The following PEX11A variants were observed in gnomAD, a reference collection of about 807,000 sequenced individuals.
PEX11A encodes peroxisomal membrane protein 11A.
A neutral mutation model predicts 14.4 loss-of-function variants in PEX11A; 13 were observed. The observed-to-expected ratio is 0.90, with a 90% CI of 0.59 to 1.43. The LOEUF is 1.43. PEX11A is among the 40% of genes most tolerant of loss of function. The pLI is 0.00. For synonymous variants in PEX11A, 101 were observed against 113.0 expected (o/e 0.89, Z 0.67); for missense variants, 290 against 302.8 (o/e 0.96, Z 0.31).
In PEX11A at chr15:89,683,961, C is replaced by G. The variant is rs1471574940; in HGVS notation, c.173-13G>C. Reference sequence around the variant, plus strand: ...CCTAGTCTGAACCCTGCAAGTAGAACCCACAATAGTGAACAGTTATTTCAT... The same window carrying G: ...CCTAGTCTGAACCCTGCAAGTAGAAGCCACAATAGTGAACAGTTATTTCAT... On this transcript the variant is annotated splice_polypyrimidine_tract_variant and intron_variant, in intron 2 of 2. Coordinates refer to ENST00000300056, the MANE Select transcript of PEX11A (RefSeq NM_003847.3). The G allele has an allele frequency of 1.9e-6, 3 of 1,555,284 alleles. No homozygotes were observed.
intron 1 of PEX11A, among the ~76,000 whole-genome samples, chr15:89,690,222 C>A (rs1166566666): frequency 6.6e-6 from 1 of 152,228 alleles, no homozygotes; most frequent in African/African-American, 2.4e-5. Context: ...GGAGATCCCT[C>A]GGAAGAATGT....
chr15:89,685,851 A>G (rs182031213), intron 2 of PEX11A, among the ~76,000 whole-genome samples: 69 of 152,308 alleles, frequency 4.5e-4, no homozygotes, highest in African/African-American at 1.4e-3. Flanking sequence ...TCTGGTTTTC[A>G]TCAAACAACA....
At position 89,683,810 on chromosome 15, in the gene PEX11A, C is replaced by T. The variant is rs1363268278; in HGVS notation, c.311G>A (p.Trp104Ter). 6.2e-7 allele frequency: 1 copy of T among 1,613,918 alleles called. No homozygotes were observed. The highest frequency in any genetic ancestry group is 8.5e-7 in the Non-Finnish European group (1 of 1,179,944). Reference protein sequence around the residue: ...VIYFICDTILWVRSVGLTSGI... With the variant: ...VIYFICDTIL ...AGAGGTGAGACCTACGCTCCTCACC[C>T]AGAGGATGGTGTCACAGATGAAATA... is the stretch of plus-strand genomic sequence containing the variant. The change falls in exon 3 of 3, where the codon TGG (tryptophan) becomes TAG (stop). Residue 104 changes from tryptophan (W) to a stop codon, truncating the protein, a stop_gained. Transcript: ENST00000300056. LOFTEE classifies it low-confidence loss of function (END_TRUNC).
At chr15:89,688,156 A>G in intron 1 of PEX11A, 2 of 539,506 alleles carry the variant, frequency 3.7e-6, no homozygotes, top group South Asian at 2.8e-5. Context: ...GGGCATACAG[A>G]GAATCCTTGC....
chr15:89,690,673 C>A lies in PEX11A; in HGVS notation c.-41G>T, dbSNP rs751159836. ...GGCCACGAGTCGCACGGGGCTCAGGCGTGGGTCCTCTGGGGCCCGTCGGAT... is the reference window on the plus strand; with the variant it reads ...GGCCACGAGTCGCACGGGGCTCAGGAGTGGGTCCTCTGGGGCCCGTCGGAT... On this transcript the variant is annotated 5_prime_UTR_variant, in exon 1 of 3. Transcript: ENST00000300056. 24 of 1,488,608 alleles carry A rather than the reference C, an allele frequency of 1.6e-5. No individual in the cohort carries two copies. The South Asian group carries it at 2.7e-4, about 16-fold the overall frequency. 92.2% of individuals were successfully genotyped at this position (1,488,608 alleles called of 1,614,324 possible).
intron 2 of PEX11A, 24 bp downstream of exon 2, chr15:89,686,407 T>G (rs201184923): frequency 1.0e-6 from 1 of 989,282 alleles, no homozygotes; most frequent in Admixed American, 1.8e-5. Context: ...GGAGTCACTG[T>G]CCCTCAAGAA....
At position 89,683,433 on chromosome 15, in the gene PEX11A, AG is replaced by A. The variant is rs745525411; in HGVS notation, c.687del (p.Ser230LeufsTer2). On this transcript the variant is annotated frameshift_variant, in exon 3 of 3. Transcript: ENST00000300056. LOFTEE classifies it high-confidence loss of function. ...PGIIGLGGLV[S>X]SIAGMITVAY... ...GCCACAGTGATCATGCCTGCTATAG[AG>A]GACACAAGACCTCCAAGTCCAATGA... 2 of 1,614,146 alleles carry A rather than the reference AG, an allele frequency of 1.2e-6. No individual in the cohort carries two copies. The highest frequency in any genetic ancestry group is 1.7e-6 in the Non-Finnish European group (2 of 1,179,990).
At chr15:89,685,640 C>T (rs993897526) in intron 2 of PEX11A, among the ~76,000 whole-genome samples, 83 of 152,134 alleles carry the variant, frequency 5.5e-4, no homozygotes, top group African/African-American at 1.9e-3. Flanking sequence ...TCAAGTTCCA[C>T]CTCCTCTAAA....
At chr15:89,687,159 G>A (rs1330276644) in intron 1 of PEX11A, among the ~76,000 whole-genome samples, 2 of 151,982 alleles carry the variant, frequency 1.3e-5, no homozygotes, top group Non-Finnish European at 2.9e-5. Context: ...TCCTGACCTC[G>A]TGATCTGCCC....
chr15:89,688,227 G>A, intron 1 of PEX11A: 2 of 533,300 alleles, frequency 3.8e-6, no homozygotes, highest in South Asian at 2.8e-5. Flanking sequence ...CAGTCTGACA[G>A]GTTTTAGGAA....
chr15:89,686,074 C>T (rs1964671371), intron 2 of PEX11A, among the ~76,000 whole-genome samples: 1 of 152,198 alleles, frequency 6.6e-6, no homozygotes, highest in Non-Finnish European at 1.5e-5. Flanking sequence ...TATAACTATT[C>T]CACTCTTGTT....
Position 89,682,533 on chromosome 15 carries a change from T to C in PEX11A, c.*844A>G, listed in dbSNP as rs368348226. On this transcript the variant is annotated 3_prime_UTR_variant, in exon 3 of 3. Coordinates refer to ENST00000300056, the MANE Select transcript of PEX11A (RefSeq NM_003847.3). ...CCACTGGACAAGGAAATTTCCAAATTATGGGAGAGTAAGAGGCAAAAAACA... is the reference window on the plus strand; with the variant it reads ...CCACTGGACAAGGAAATTTCCAAATCATGGGAGAGTAAGAGGCAAAAAACA... The C allele has an allele frequency of 1.1e-4, 17 of 152,224 alleles. No individual in the cohort carries two copies. Among genetic ancestry groups the C allele is most frequent in the African/African-American group, 4.1e-4 (17 of 41,528 alleles). The allele number at this position is 152,224 out of a possible 1,614,324, so 9.4% of individuals were successfully genotyped here.
Position 89,683,564 on chromosome 15 carries a change from C to T in PEX11A, c.557G>A (p.Arg186Gln), listed in dbSNP as rs750192613. Reference protein sequence around the residue: ...WLQSFLLLLFRSLKQHPPLLL... With the variant: ...WLQSFLLLLFQSLKQHPPLLL... ...CAAGGGAGGATGCTGCTTCAGAGAT[C>T]GGAATAAAAGAAGTAGAAAGGATTG... is the stretch of plus-strand genomic sequence containing the variant. Residue 186 changes from arginine to glutamine, a missense_variant, in exon 3 of 3, where the codon CGA becomes CAA. Transcript: ENST00000300056. The T allele has an allele frequency of 9.9e-6, 16 of 1,614,016 alleles. No individual in the cohort carries two copies. Among genetic ancestry groups the T allele is most frequent in the South Asian group, 4.4e-5 (4 of 91,082 alleles).
intron 2 of PEX11A, among the ~76,000 whole-genome samples, chr15:89,685,005 C>T (rs1257604517): frequency 3.3e-5 from 5 of 151,826 alleles, no homozygotes; most frequent in Admixed American, 6.6e-5. Flanking sequence ...GCCTGGCCAA[C>T]GTGGTGAAAC....
At chr15:89,684,996 C>T (rs760507844) in intron 2 of PEX11A, among the ~76,000 whole-genome samples, 2 of 151,924 alleles carry the variant, frequency 1.3e-5, no homozygotes, top group Non-Finnish European at 2.9e-5. Flanking sequence ...TTGAGACCAG[C>T]CTGGCCAACG....
chr15:89,690,705 G>A lies in PEX11A; in HGVS notation c.-73C>T. The A allele has an allele frequency of 9.1e-7, 1 of 1,101,280 alleles. No individual in the cohort carries two copies. Among genetic ancestry groups the A allele is most frequent in the Non-Finnish European group, 1.3e-6 (1 of 743,790 alleles). The allele number at this position is 1,101,280 out of a possible 1,614,324, so 68.2% of individuals were successfully genotyped here. On this transcript the variant is annotated 5_prime_UTR_variant, in exon 1 of 3. Coordinates refer to ENST00000300056, the MANE Select transcript of PEX11A (RefSeq NM_003847.3). ...CCTCTGGGGCCCGTCGGATCCCCAG[G>A]GAACGGTCAGTCCCAGGTTATCCGC...
intron 1 of PEX11A, among the ~76,000 whole-genome samples, chr15:89,689,696 T>C (rs995821808): frequency 1.3e-5 from 2 of 152,210 alleles, no homozygotes; most frequent in Admixed American, 6.5e-5. Flanking sequence ...CCCCACTGTA[T>C]TTCCCCCCAA....
At chr15:89,685,328 T>C (rs556598775) in intron 2 of PEX11A, among the ~76,000 whole-genome samples, 2 of 152,214 alleles carry the variant, frequency 1.3e-5, no homozygotes, top group South Asian at 4.1e-4. Context: ...TTCTGGCCCT[T>C]GCACTAACTG....
At chr15:89,689,956 C>A (rs1389261491) in intron 1 of PEX11A, among the ~76,000 whole-genome samples, 5 of 152,190 alleles carry the variant, frequency 3.3e-5, no homozygotes, top group South Asian at 4.1e-4. Flanking sequence ...CATGGCGAAA[C>A]CCCCGTCTCT....
Sources: allele counts gnomAD v4.1 joint callset (sites outside exome capture counted in the v4.1 genomes callset), GRCh38; gene constraint gnomAD v4.1.1; transcripts MANE v1.5; gene names NCBI Gene and HGNC (gene_info 2026-07-23, HGNC 2026-07-21).